Variants in FAM53B observed in about 807,000 individuals in gnomAD.
FAM53B encodes family with sequence similarity 53 member B.
Under a neutral mutation model 32.7 loss-of-function variants are expected in FAM53B, and 12 were observed. The observed-to-expected ratio is 0.37, with a 90% confidence interval of 0.24 to 0.59. FAM53B has a LOEUF of 0.59. FAM53B is among the 20% of genes least tolerant of loss of function. FAM53B has a pLI of 0.72. For synonymous variants in FAM53B, 234 were observed against 228.7 expected, an observed-to-expected ratio of 1.02 and a Z score of -0.21; for missense variants, 477 against 577.7, an observed-to-expected ratio of 0.83 and a Z score of 1.79.
intron 4 of FAM53B, among the ~76,000 whole-genome samples, chr10:124,671,579 A>C (rs1054909349): frequency 1.3e-5 from 2 of 152,210 alleles, no homozygotes; most frequent in Admixed American, 6.5e-5. Context: ...GCAGGGAAAC[A>C]GCGGGGGCCT....
chr10:124,691,865 ACT>A (rs1232473908), intron 3 of FAM53B, among the ~76,000 whole-genome samples: 5 of 152,038 alleles, frequency 3.3e-5, no homozygotes, highest in African/African-American at 1.2e-4. Flanking sequence ...ACACAGGATG[ACT>A]CTCAGCCACA....
intron 4 of FAM53B, among the ~76,000 whole-genome samples, chr10:124,674,049 T>C (rs1461101391): frequency 3.3e-5 from 5 of 152,194 alleles, no homozygotes; most frequent in Non-Finnish European, 5.9e-5. Context: ...TGCACCTCTC[T>C]TTCCCTTAGG....
Position 124,731,907 on chromosome 10 carries a change from A to T in FAM53B, c.-175+12106T>A, listed in dbSNP as rs561518426. Among the ~76,000 whole-genome samples the T allele has an allele frequency of 2.6e-5, 4 of 152,202 alleles. No homozygotes were observed. In the South Asian group the frequency reaches 6.2e-4, roughly 24 times the overall value. ...ATGGGCTGACGCAGCTCAAACATGA[A>T]CTGAACGATGGCTTGTTTCTTCCTG... On this transcript the variant is annotated intron_variant, in intron 1 of 4. Coordinates refer to ENST00000337318, the MANE Select transcript of FAM53B (RefSeq NM_014661.4).
intron 4 of FAM53B, among the ~76,000 whole-genome samples, chr10:124,669,882 G>A (rs1256891077): frequency 6.6e-6 from 1 of 151,924 alleles, no homozygotes; most frequent in African/African-American, 2.4e-5. Context: ...CCACAGGGTG[G>A]GTGAGGATTA....
chr10:124,673,374 G>A lies in FAM53B; in HGVS notation c.906+8233C>T, dbSNP rs181919416. On this transcript the variant is annotated intron_variant, in intron 4 of 4. Transcript: ENST00000337318. The stretch of plus-strand genomic sequence containing the variant: ...CAAGGCAGGATATCAAACAGGGTGT[G>A]GAACTTGCCCTTAACAACCCACCCA... Among the ~76,000 whole-genome samples the A allele has an allele frequency of 1.6e-3, 249 of 152,244 alleles. 1 individual carries two copies. The highest frequency in any genetic ancestry group is 5.2e-3 in the African/African-American group (218 of 41,536).
In FAM53B at chr10:124,620,499, A is replaced by G. The variant is rs1949303255; in HGVS notation, c.*2743T>C. ...GGCAGGGTTTGTGGGCAAGGCTGTG[A>G]CAAAAGTAAGGCTCCTGCCACTGCC... is the stretch of plus-strand genomic sequence containing the variant. On this transcript the variant is annotated 3_prime_UTR_variant, in exon 5 of 5. Transcript: ENST00000337318. 6.6e-6 allele frequency: 1 copy of G among 152,292 alleles called. No homozygotes were observed. The highest frequency in any genetic ancestry group is 6.5e-5 in the Admixed American group (1 of 15,284). The allele number at this position is 152,292 out of a possible 1,614,324, so 9.4% of individuals were successfully genotyped here. A position where few individuals can be genotyped will look rare whatever the true frequency, so the allele number is the denominator to read the frequency against.
chr10:124,657,449 C>T (rs1226648530), intron 4 of FAM53B, among the ~76,000 whole-genome samples: 3 of 152,148 alleles, frequency 2.0e-5, no homozygotes, highest in East Asian at 3.9e-4. Flanking sequence ...CACTTCTCAG[C>T]GTTATAACTG....
intron 4 of FAM53B, among the ~76,000 whole-genome samples, chr10:124,664,354 C>G (rs1949654719): frequency 6.6e-6 from 1 of 152,200 alleles, no homozygotes. Context: ...AAGCAGGCCT[C>G]CGGGGCCAAA....
At chr10:124,739,351 G>T (rs1950188354) in intron 1 of FAM53B, among the ~76,000 whole-genome samples, 1 of 152,280 alleles carries the variant, frequency 6.6e-6, no homozygotes. Flanking sequence ...GAGAATTAGA[G>T]AGTGTATACA....
At chr10:124,673,907 T>C (rs890653072) in intron 4 of FAM53B, among the ~76,000 whole-genome samples, 1 of 152,196 alleles carries the variant, frequency 6.6e-6, no homozygotes, top group African/African-American at 2.4e-5. Flanking sequence ...CCTGGGCAGA[T>C]GCATGCATGG....
At chr10:124,729,135 T>C (rs1173250358) in intron 1 of FAM53B, among the ~76,000 whole-genome samples, 4 of 152,248 alleles carry the variant, frequency 2.6e-5, no homozygotes, top group Non-Finnish European at 4.4e-5. Context: ...ATTTCCATTA[T>C]AAAGGTATTT....
intron 3 of FAM53B, among the ~76,000 whole-genome samples, chr10:124,694,119 C>T (rs1156375391): frequency 6.6e-6 from 1 of 152,216 alleles, no homozygotes; most frequent in Non-Finnish European, 1.5e-5. Context: ...ACAACGGCTC[C>T]CCGCTTCTCC....
chr10:124,699,670 A>G (rs1283420790), intron 2 of FAM53B, among the ~76,000 whole-genome samples: 1 of 152,154 alleles, frequency 6.6e-6, no homozygotes, highest in Non-Finnish European at 1.5e-5. Context: ...GGATACCTTC[A>G]TCGTCACTGG....
chr10:124,638,856 G>A (rs1949451917), intron 4 of FAM53B, among the ~76,000 whole-genome samples: 1 of 152,224 alleles, frequency 6.6e-6, no homozygotes, highest in Non-Finnish European at 1.5e-5. Flanking sequence ...GGACATTCCT[G>A]GGCACATTCT....
rs778257458 is a variant in FAM53B, at chr10:124,623,500, G to C, written c.1011C>G (p.Thr337=). Residue 337 remains threonine, a synonymous_variant, in exon 5 of 5, where the codon ACC becomes ACG. Transcript: ENST00000337318. ...ARHVSNTRAW[T]ALLSASGPGG... ...CTGGGCCGGAGGCTGAGAGCAGGGCGGTCCAGGCCCTGGTGTTGCTGACGT... is the reference window on the plus strand; with the variant it reads ...CTGGGCCGGAGGCTGAGAGCAGGGCCGTCCAGGCCCTGGTGTTGCTGACGT... The C allele has an allele frequency of 6.3e-7, 1 of 1,590,372 alleles. No individual in the cohort carries two copies. The highest frequency in any genetic ancestry group is 1.3e-5 in the African/African-American group (1 of 74,640).
chr10:124,687,160 C>G (rs574841568), intron 3 of FAM53B, among the ~76,000 whole-genome samples: 1 of 152,308 alleles, frequency 6.6e-6, no homozygotes, highest in East Asian at 1.9e-4. Context: ...TGGGTCAGAT[C>G]ACCAGACAAA....
intron 4 of FAM53B, among the ~76,000 whole-genome samples, chr10:124,645,140 G>T (rs1321782689): frequency 6.6e-6 from 1 of 152,204 alleles, no homozygotes; most frequent in South Asian, 2.1e-4. Context: ...TGGAGCCCTC[G>T]GCATAGGATG....
intron 4 of FAM53B, among the ~76,000 whole-genome samples, chr10:124,676,091 C>A (rs1949734776): frequency 6.6e-6 from 1 of 152,234 alleles, no homozygotes; most frequent in Non-Finnish European, 1.5e-5. Flanking sequence ...ACTCTGACAG[C>A]CCAGGTCTTA....
At chr10:124,663,324 C>CCACA (rs1323899380) in intron 4 of FAM53B, among the ~76,000 whole-genome samples, 1 of 152,212 alleles carries the variant, frequency 6.6e-6, no homozygotes, top group Non-Finnish European at 1.5e-5. Flanking sequence ...CTGACATGAA[C>CCACA]CACACTGCCC....
Sources: allele counts gnomAD v4.1 joint callset (sites outside exome capture counted in the v4.1 genomes callset), GRCh38; gene constraint gnomAD v4.1.1; transcripts MANE v1.5; gene names NCBI Gene and HGNC (gene_info 2026-07-23, HGNC 2026-07-21).